The following PTPRD variants were observed in gnomAD, a reference collection of about 807,000 sequenced individuals.
PTPRD encodes the protein receptor-type tyrosine-protein phosphatase delta.
In PTPRD, 34 loss-of-function variants were observed where a neutral mutation model predicts 214.5. The ratio of observed to expected loss-of-function variants is 0.16; its 90% CI spans 0.12 to 0.21. PTPRD has a LOEUF of 0.21. Ranked by LOEUF, PTPRD falls within the 10% of genes least tolerant of loss-of-function variation. The pLI is 1.00. For missense variants in PTPRD, 2,545 were observed against 2,398.7 expected, an observed-to-expected ratio of 1.06 and a Z score of -1.27; for synonymous variants, 1,128 against 845.7, an observed-to-expected ratio of 1.33 and a Z score of -5.79.
chr9:8,604,695 T>A (rs1275082387), intron 14 of PTPRD, among the ~76,000 whole-genome samples: 1 of 152,136 alleles, frequency 6.6e-6, no homozygotes, highest in African/African-American at 2.4e-5. Flanking sequence ...TAAGATGCAT[T>A]TCTGAAGTAA....
chr9:9,595,270 A>C (rs1261434378), intron 7 of PTPRD, among the ~76,000 whole-genome samples: 1 of 121,670 alleles, frequency 8.2e-6, no homozygotes, highest in East Asian at 2.2e-4. Context: ...TCTTTATATG[A>C]AAAGGATTAT....
intron 10 of PTPRD, among the ~76,000 whole-genome samples, chr9:9,176,746 C>G (rs1361129711): frequency 1.3e-5 from 2 of 152,136 alleles, no homozygotes; most frequent in African/African-American, 2.4e-5. Flanking sequence ...ATCACTTCCA[C>G]CTTCTTCCCT....
At chr9:8,355,576 T>C (rs2076773354) in intron 39 of PTPRD, among the ~76,000 whole-genome samples, 1 of 152,162 alleles carries the variant, frequency 6.6e-6, no homozygotes, top group Non-Finnish European at 1.5e-5. Context: ...TACTAGAAGA[T>C]GGGAAACAGT....
chr9:8,892,325 C>T (rs1428011182), intron 11 of PTPRD, among the ~76,000 whole-genome samples: 6 of 152,110 alleles, frequency 3.9e-5, no homozygotes, highest in African/African-American at 1.4e-4. Context: ...GAGGACCTTT[C>T]TTCATCATCA....
At chr9:10,475,360 C>G (rs1354750498) in intron 2 of PTPRD, among the ~76,000 whole-genome samples, 1 of 152,124 alleles carries the variant, frequency 6.6e-6, no homozygotes, top group East Asian at 1.9e-4. Context: ...ATAAACACCT[C>G]TACACAAATC....
intron 7 of PTPRD, among the ~76,000 whole-genome samples, chr9:9,704,255 T>C (rs916461260): frequency 6.6e-6 from 1 of 152,144 alleles, no homozygotes; most frequent in African/African-American, 2.4e-5. Flanking sequence ...TTCTTCTTTT[T>C]TCTTTTTTTT....
rs148574216 is a variant in PTPRD, at chr9:9,376,050, C to A, written c.-203+21399G>T. ...GTTAAGACATTTTCATAATATAAAG[C>A]GCAAGAAAATGAGAACTTGCTCATC... On this transcript the variant is annotated intron_variant, in intron 9 of 45. Coordinates refer to ENST00000381196, the MANE Select transcript of PTPRD (RefSeq NM_002839.4). Among the ~76,000 whole-genome samples the A allele has an allele frequency of 2.8e-3, 407 of 146,684 alleles. 1 individual carries two copies. Among genetic ancestry groups the A allele is most frequent in the Admixed American group, 6.3e-3 (92 of 14,652 alleles).
chr9:9,144,100 A>G (rs1010630607), intron 10 of PTPRD, among the ~76,000 whole-genome samples: 1 of 152,232 alleles, frequency 6.6e-6, no homozygotes, highest in African/African-American at 2.4e-5. Context: ...CCCTTCTTTC[A>G]TTACAGATCC....
At chr9:8,658,411 T>C (rs1386135516) in intron 12 of PTPRD, among the ~76,000 whole-genome samples, 1 of 152,206 alleles carries the variant, frequency 6.6e-6, no homozygotes, top group East Asian at 1.9e-4. Flanking sequence ...TGTTCTGACC[T>C]TTCCCATTAA....
intron 11 of PTPRD, among the ~76,000 whole-genome samples, chr9:8,801,831 G>C (rs1198188789): frequency 6.6e-6 from 1 of 152,112 alleles, no homozygotes; most frequent in Non-Finnish European, 1.5e-5. Context: ...CCTCTGTTTA[G>C]TCTCAATATT....
chr9:8,587,164 C>G (rs1054998696), intron 14 of PTPRD, among the ~76,000 whole-genome samples: 1 of 151,976 alleles, frequency 6.6e-6, no homozygotes, highest in Non-Finnish European at 1.5e-5. Context: ...AACAAACAAA[C>G]GAACACAAAA....
intron 11 of PTPRD, among the ~76,000 whole-genome samples, chr9:8,991,967 G>C (rs549374934): frequency 6.6e-6 from 1 of 151,978 alleles, no homozygotes; most frequent in Non-Finnish European, 1.5e-5. Flanking sequence ...TAGAATTGTG[G>C]TGTTCAGAAT....
chr9:8,632,423 C>T (rs546612194), intron 14 of PTPRD, among the ~76,000 whole-genome samples: 2 of 151,940 alleles, frequency 1.3e-5, no homozygotes, highest in South Asian at 4.1e-4. Flanking sequence ...TTTCCAATTT[C>T]TTTCATGTTA....
At chr9:8,595,326 G>A (rs1203354781) in intron 14 of PTPRD, among the ~76,000 whole-genome samples, 2 of 152,070 alleles carry the variant, frequency 1.3e-5, no homozygotes, top group Non-Finnish European at 2.9e-5. Flanking sequence ...GATCAGCCAG[G>A]TGTTGACATA....
chr9:10,422,055 A>T (rs1192412315), intron 2 of PTPRD, among the ~76,000 whole-genome samples: 1 of 152,014 alleles, frequency 6.6e-6, no homozygotes, highest in Non-Finnish European at 1.5e-5. Flanking sequence ...ACCTGACTTC[A>T]AACTATACTA....
intron 14 of PTPRD, among the ~76,000 whole-genome samples, chr9:8,539,042 T>G (rs1242759505): frequency 6.6e-6 from 1 of 151,958 alleles, no homozygotes; most frequent in Non-Finnish European, 1.5e-5. Flanking sequence ...ATACTAAATG[T>G]ACACAGAAGC....
intron 5 of PTPRD, among the ~76,000 whole-genome samples, chr9:9,826,743 T>C (rs925640890): frequency 1.3e-5 from 2 of 152,110 alleles, no homozygotes; most frequent in African/African-American, 2.4e-5. Flanking sequence ...TTCATGATTA[T>C]GTATCTAGAA....
chr9:9,903,600 C>T (rs1011230866), intron 5 of PTPRD, among the ~76,000 whole-genome samples: 1 of 152,044 alleles, frequency 6.6e-6, no homozygotes, highest in Non-Finnish European at 1.5e-5. Context: ...TTAATATTTA[C>T]TGAAAGAATA....
At position 8,436,641 on chromosome 9, in the gene PTPRD, A is replaced by G. The variant is rs991528751; in HGVS notation, c.4037T>C (p.Ile1346Thr). Residue 1346 changes from isoleucine to threonine, a missense_variant, in exon 35 of 46, where the codon ATT (isoleucine) becomes ACT (threonine). By Grantham distance (89) the Ile-to-Thr change is moderately conservative. Transcript: ENST00000381196. ...GTTGTCATTTGCTTTCAATCTTTCAATGTGGTCTGCAAGTTCCAAGATGGG... is the reference window on the plus strand; with the variant it reads ...GTTGTCATTTGCTTTCAATCTTTCAGTGTGGTCTGCAAGTTCCAAGATGGG... ...PIPILELADH[I>T]ERLKANDNLK... 22 of 1,613,630 alleles carry G rather than the reference A, an allele frequency of 1.4e-5. No individual in the cohort carries two copies. The Middle Eastern group carries it at 8.3e-4, about 61-fold the overall frequency.
Sources: gnomAD v4.1 joint callset for allele counts (sites outside exome capture counted in the v4.1 genomes callset) on GRCh38, gnomAD v4.1.1 for gene constraint, MANE v1.5 for transcripts, NCBI Gene and HGNC (gene_info 2026-07-23, HGNC 2026-07-21) for gene names.